The following ST6GALNAC5 variants were observed in gnomAD, a reference collection of about 807,000 sequenced individuals.
ST6GALNAC5 encodes the protein ST6 N-acetylgalactosaminide alpha-2,6-sialyltransferase 5.
ST6GALNAC5 carries 27 observed loss-of-function variants against 33.6 expected under a neutral mutation model. The ratio of observed to expected loss-of-function variants is 0.80; its 90% CI spans 0.59 to 1.11. The LOEUF is 1.11. ST6GALNAC5 is among the 50% of genes least tolerant of loss of function. The probability of loss-of-function intolerance (pLI) is 0.00; values close to 1 mark genes in which losing one functional copy is unlikely to be tolerated. For missense variants in ST6GALNAC5, 428 were observed against 454.0 expected, an observed-to-expected ratio of 0.94 and a Z score of 0.52; for synonymous variants, 194 against 171.2, an observed-to-expected ratio of 1.13 and a Z score of -1.04.
chr1:76,911,505 T>C (rs1395790888), intron 2 of ST6GALNAC5, among the ~76,000 whole-genome samples: 2 of 152,168 alleles, frequency 1.3e-5, no homozygotes, highest in Non-Finnish European at 2.9e-5. Flanking sequence ...TTGGAATAGT[T>C]TCAGAAGAAA....
intron 2 of ST6GALNAC5, among the ~76,000 whole-genome samples, chr1:76,927,968 C>T (rs967599796): frequency 1.3e-5 from 2 of 152,034 alleles, no homozygotes; most frequent in Non-Finnish European, 2.9e-5. Context: ...TGTTGTAGGG[C>T]CTAATTTCAG....
At chr1:76,907,374 G>C (rs997300473) in intron 2 of ST6GALNAC5, among the ~76,000 whole-genome samples, 6 of 151,922 alleles carry the variant, frequency 3.9e-5, no homozygotes, top group Admixed American at 2.0e-4. Flanking sequence ...TGGCAGCAAG[G>C]GACAGAAAAA....
chr1:76,868,925 GAC>G lies in ST6GALNAC5; in HGVS notation c.261+187_261+188del. On this transcript the variant is annotated intron_variant, in intron 2 of 4. Transcript: ENST00000477717. The surrounding 1 kb of genome is among the most constrained non-coding windows in gnomAD (Gnocchi z 4.3). ...TGGTATGAATTCTTATTTGGAGAAAGACACAAAGTTTTGTAGAAAATAGGGGT... is the reference window on the plus strand; with the variant it reads ...TGGTATGAATTCTTATTTGGAGAAAGACAAAGTTTTGTAGAAAATAGGGGT... The G allele has an allele frequency of 9.6e-7, 1 of 1,038,642 alleles. No homozygotes were observed. The highest frequency in any genetic ancestry group is 1.9e-5 in the South Asian group (1 of 51,972). 64.3% of individuals were successfully genotyped at this position (1,038,642 alleles called of 1,614,324 possible). A position where few individuals can be genotyped will look rare whatever the true frequency, so the allele number is the denominator to read the frequency against.
At chr1:76,903,935 T>C (rs913491347) in intron 2 of ST6GALNAC5, among the ~76,000 whole-genome samples, 3 of 152,144 alleles carry the variant, frequency 2.0e-5, no homozygotes, top group South Asian at 4.1e-4. Context: ...AGGAGAGTGA[T>C]AGCTAAAGGG....
intron 4 of ST6GALNAC5, among the ~76,000 whole-genome samples, chr1:77,061,696 G>A (rs1254530787): frequency 6.6e-6 from 1 of 152,140 alleles, no homozygotes; most frequent in African/African-American, 2.4e-5. Flanking sequence ...CAGAAGAGGT[G>A]GGCTAGACTG....
chr1:76,909,274 A>T (rs1646890171), intron 2 of ST6GALNAC5, among the ~76,000 whole-genome samples: 1 of 152,118 alleles, frequency 6.6e-6, no homozygotes, highest in Non-Finnish European at 1.5e-5. Context: ...GATAGGCCAG[A>T]ATCCACATCT....
intron 2 of ST6GALNAC5, among the ~76,000 whole-genome samples, chr1:77,011,515 C>A (rs977424022): frequency 6.6e-6 from 1 of 152,200 alleles, no homozygotes; most frequent in Admixed American, 6.5e-5. Context: ...TTGGGAATTA[C>A]AGTCCTTGAG....
intron 2 of ST6GALNAC5, among the ~76,000 whole-genome samples, chr1:76,962,905 A>G (rs1445338354): frequency 1.3e-5 from 2 of 152,204 alleles, no homozygotes; most frequent in African/African-American, 4.8e-5. Flanking sequence ...ACTGTTTACC[A>G]AGAGCATTGA....
At chr1:77,061,438 C>T (rs559476407) in intron 4 of ST6GALNAC5, among the ~76,000 whole-genome samples, 10 of 152,254 alleles carry the variant, frequency 6.6e-5, no homozygotes, top group South Asian at 4.1e-4. Flanking sequence ...CTGAAGAAAA[C>T]GAATAGGTGT....
intron 2 of ST6GALNAC5, among the ~76,000 whole-genome samples, chr1:76,897,649 G>T (rs181971208): frequency 5.5e-4 from 83 of 152,266 alleles, no homozygotes; most frequent in African/African-American, 1.9e-3. Flanking sequence ...GGACTCAAAG[G>T]AGGCTTTGGA....
intron 2 of ST6GALNAC5, among the ~76,000 whole-genome samples, chr1:77,015,679 T>C (rs1420282803): frequency 6.6e-6 from 1 of 152,088 alleles, no homozygotes; most frequent in Non-Finnish European, 1.5e-5. Context: ...GAGGGGCACC[T>C]GCCTCAATTT....
intron 2 of ST6GALNAC5, among the ~76,000 whole-genome samples, chr1:76,890,061 A>G (rs1401892265): frequency 6.6e-6 from 1 of 152,122 alleles, no homozygotes; most frequent in Admixed American, 6.5e-5. Context: ...CATCTGGACT[A>G]TATCTTTGGG....
At chr1:76,878,372 C>T (rs920436112) in intron 2 of ST6GALNAC5, among the ~76,000 whole-genome samples, 11 of 152,094 alleles carry the variant, frequency 7.2e-5, no homozygotes, top group Admixed American at 6.6e-4. Flanking sequence ...CCACCAGACC[C>T]ACTGTAAGTC....
At chr1:76,878,069 C>T (rs888783814) in intron 2 of ST6GALNAC5, among the ~76,000 whole-genome samples, 3 of 152,208 alleles carry the variant, frequency 2.0e-5, no homozygotes, top group Non-Finnish European at 4.4e-5. Flanking sequence ...TCTGTCCAGG[C>T]GAAATGGGAG....
intron 4 of ST6GALNAC5, among the ~76,000 whole-genome samples, chr1:77,059,386 A>G (rs1652501315): frequency 6.6e-6 from 1 of 152,118 alleles, no homozygotes; most frequent in Non-Finnish European, 1.5e-5. Context: ...GACACTTTTG[A>G]TGAGGACTAG....
chr1:77,014,783 A>G (rs968121284), intron 2 of ST6GALNAC5, among the ~76,000 whole-genome samples: 1 of 152,196 alleles, frequency 6.6e-6, no homozygotes. Flanking sequence ...CCACTAGACA[A>G]TAATCAGAAT....
intron 2 of ST6GALNAC5, among the ~76,000 whole-genome samples, chr1:76,966,449 G>T (rs1366899861): frequency 6.6e-6 from 1 of 152,198 alleles, no homozygotes; most frequent in Non-Finnish European, 1.5e-5. Flanking sequence ...CATTGATTTT[G>T]TATCTTGAGA....
chr1:77,045,087 C>T (rs1203691468), intron 3 of ST6GALNAC5, among the ~76,000 whole-genome samples: 3 of 152,148 alleles, frequency 2.0e-5, no homozygotes, highest in African/African-American at 7.2e-5. Context: ...AAGCCTTGGA[C>T]ACTTACCAAG....
At chr1:77,057,575 G>T (rs1259326725) in intron 4 of ST6GALNAC5, among the ~76,000 whole-genome samples, 3 of 152,178 alleles carry the variant, frequency 2.0e-5, no homozygotes, top group Non-Finnish European at 1.5e-5. Flanking sequence ...TGTTTGTTCA[G>T]ATTCTTTTGA....
Sources: allele counts gnomAD v4.1 joint callset (sites outside exome capture counted in the v4.1 genomes callset), GRCh38; gene constraint gnomAD v4.1.1; non-coding constraint Gnocchi (gnomAD v3.1); transcripts MANE v1.5; gene names NCBI Gene and HGNC (gene_info 2026-07-23, HGNC 2026-07-21).